The following ASXL2 variants were observed in gnomAD, a reference collection of about 807,000 sequenced individuals.
ASXL2 encodes putative Polycomb group protein ASXL2.
ASXL2 carries 23 observed loss-of-function variants against 122.0 expected under a neutral mutation model. The observed-to-expected ratio is 0.19, with a 90% confidence interval of 0.14 to 0.27. The LOEUF (loss-of-function observed/expected upper bound fraction) is 0.27. Among genes scored for constraint, ASXL2 ranks in the 10% least tolerant of loss-of-function variants. The probability of loss-of-function intolerance (pLI) is 1.00; values close to 1 mark genes in which losing one functional copy is unlikely to be tolerated. For missense variants in ASXL2, 1,518 were observed against 1,713.8 expected, an observed-to-expected ratio of 0.89 and a Z score of 2.02; for synonymous variants, 650 against 637.0, an observed-to-expected ratio of 1.02 and a Z score of -0.31.
Position 25,761,672 on chromosome 2 carries a change from C to CAA in ASXL2, c.776-2029_776-2028dup, listed in dbSNP as rs1184631489. Among the ~76,000 whole-genome samples the CAA allele has an allele frequency of 2.0e-3, 115 of 56,618 alleles. 1 individual carries two copies. The highest frequency in any genetic ancestry group is 4.5e-3 in the African/African-American group (71 of 15,760). The allele number at this position is 56,618 out of a possible 152,430, so 37.1% of individuals were successfully genotyped here. On this transcript the variant is annotated intron_variant, in intron 8 of 12. Transcript: ENST00000435504. ...TGGGCAACAGAGCCAGACTCCGTCT[C>CAA]AAAAAAAAAAAAAAAAAAAAGGAAT...
intron 3 of ASXL2, among the ~76,000 whole-genome samples, chr2:25,823,763 A>T (rs2149182861): frequency 6.6e-6 from 1 of 151,564 alleles, no homozygotes. Context: ...AGGGCTTAAA[A>T]CCTCAATTTA....
intron 1 of ASXL2, among the ~76,000 whole-genome samples, chr2:25,865,692 G>A (rs866912590): frequency 1.4e-5 from 2 of 141,238 alleles, no homozygotes; most frequent in African/African-American, 2.6e-5. Flanking sequence ...GGAGAATGGC[G>A]TGAACCCAGG....
chr2:25,875,450 C>G (rs1456145264), intron 1 of ASXL2, among the ~76,000 whole-genome samples: 1 of 152,024 alleles, frequency 6.6e-6, no homozygotes, highest in East Asian at 1.9e-4. Context: ...GCACTCCAGC[C>G]TGGAGAGCAT....
intron 8 of ASXL2, among the ~76,000 whole-genome samples, chr2:25,764,966 T>C (rs1204450540): frequency 6.6e-6 from 1 of 152,162 alleles, no homozygotes; most frequent in African/African-American, 2.4e-5. Context: ...AAAGATGACT[T>C]ACCCAAGTTT....
chr2:25,756,475 AG>A (rs2088138105), intron 9 of ASXL2, among the ~76,000 whole-genome samples: 9 of 146,376 alleles, frequency 6.1e-5, no homozygotes, highest in African/African-American at 1.3e-4. Flanking sequence ...GAAAAAAAAA[AG>A]AAAAAAAAAA....
In ASXL2 at chr2:25,739,273, T is replaced by C. The variant is rs1278255054; in HGVS notation, c.*2756A>G. On this transcript the variant is annotated 3_prime_UTR_variant, in exon 13 of 13. Transcript: ENST00000435504. ...TGAAAGGTAAAACAACTCAAAAAAC[T>C]AAGGTAAAGATTGCTTTAAAGGTGC... is the stretch of plus-strand genomic sequence containing the variant. The C allele has an allele frequency of 6.2e-6, 1 of 162,228 alleles. No individual in the cohort carries two copies. Among genetic ancestry groups the C allele is most frequent in the Non-Finnish European group, 1.4e-5 (1 of 73,918 alleles). The allele number at this position is 162,228 out of a possible 1,614,324, so 10.0% of individuals were successfully genotyped here.
At chr2:25,832,229 T>C (rs116190826) in intron 3 of ASXL2, among the ~76,000 whole-genome samples, 1,738 of 152,326 alleles carry the variant, frequency 0.011, 26 homozygotes, top group African/African-American at 0.039. Context: ...TACCATCTCA[T>C]ACTCAAGAAT....
At chr2:25,800,423 A>T (rs984604409) in intron 4 of ASXL2, among the ~76,000 whole-genome samples, 3 of 152,256 alleles carry the variant, frequency 2.0e-5, no homozygotes, top group African/African-American at 7.2e-5. Flanking sequence ...GCATTATTTG[A>T]ATCTAATTGG....
At chr2:25,851,429 A>G (rs1458850515) in intron 1 of ASXL2, among the ~76,000 whole-genome samples, 1 of 152,190 alleles carries the variant, frequency 6.6e-6, no homozygotes, top group Non-Finnish European at 1.5e-5. Flanking sequence ...TTTACATTAA[A>G]TATATTGAAA....
At chr2:25,846,307 G>C (rs1334207950) in intron 1 of ASXL2, among the ~76,000 whole-genome samples, 1 of 152,178 alleles carries the variant, frequency 6.6e-6, no homozygotes, top group Non-Finnish European at 1.5e-5. Flanking sequence ...AATACCAGCA[G>C]TGGCTAACCT....
intron 5 of ASXL2, among the ~76,000 whole-genome samples, chr2:25,784,444 T>A (rs1306744243): frequency 1.3e-5 from 2 of 152,212 alleles, no homozygotes; most frequent in Non-Finnish European, 2.9e-5. Flanking sequence ...ATACATTGTA[T>A]AATGAAGAAT....
rs2149136630 is a variant in ASXL2, at chr2:25,743,198, A to T, written c.3139T>A (p.Ser1047Thr). 1 of 1,613,910 alleles carries T rather than the reference A, an allele frequency of 6.2e-7. No homozygotes were observed. Among genetic ancestry groups the T allele is most frequent in the Non-Finnish European group, 8.5e-7 (1 of 1,179,850 alleles). ...TGGTATTGGTGTGTGTCAATGCTGG[A>T]GTCCCTCAGCTCCTTAGCTGAAAAG... is the stretch of plus-strand genomic sequence containing the variant. ...QLFSAKELRDSSIDTHQYHEG... is the reference protein window; with the variant it reads ...QLFSAKELRDTSIDTHQYHEG... Residue 1047 changes from serine to threonine, a missense_variant, in exon 13 of 13, where the codon TCC (serine) becomes ACC (threonine). By Grantham distance (58) the Ser-to-Thr change is moderately conservative. Around this residue, in one of 8 missense-constraint regions of ASXL2, gnomAD observed 831 missense variants for 833.1 expected, o/e 1.00. Coordinates refer to ENST00000435504, the MANE Select transcript of ASXL2 (RefSeq NM_018263.6).
chr2:25,777,757 CAGG>C (rs2088572279), intron 5 of ASXL2, among the ~76,000 whole-genome samples: 1 of 152,120 alleles, frequency 6.6e-6, no homozygotes, highest in African/African-American at 2.4e-5. Context: ...TTCATTTTAA[CAGG>C]AGTTCATTGA....
At chr2:25,834,246 G>C (rs1437985349) in intron 3 of ASXL2, among the ~76,000 whole-genome samples, 1 of 151,924 alleles carries the variant, frequency 6.6e-6, no homozygotes, top group East Asian at 1.9e-4. Flanking sequence ...CCAGCTACAA[G>C]GGAGGCTGAA....
rs545604516 is a variant in ASXL2, at chr2:25,835,292, T to G, written c.143+246A>C. On this transcript the variant is annotated intron_variant, in intron 3 of 12. Transcript: ENST00000435504. ...TTTATAAGTCAAATGTTGATTTTAA[T>G]AAACCTTAATGTAGATCGGATTTCT... Among the ~76,000 whole-genome samples the G allele has an allele frequency of 9.7e-4, 148 of 152,358 alleles. 1 individual carries two copies. Among genetic ancestry groups the G allele is most frequent in the Middle Eastern group, 3.4e-3 (1 of 294 alleles).
intron 1 of ASXL2, among the ~76,000 whole-genome samples, chr2:25,867,179 C>G (rs993880933): frequency 6.6e-6 from 1 of 152,070 alleles, no homozygotes; most frequent in African/African-American, 2.4e-5. Context: ...GGATTACAGG[C>G]GTGAGCCACC....
At chr2:25,873,107 CCA>C (rs1445776813) in intron 1 of ASXL2, among the ~76,000 whole-genome samples, 2 of 152,072 alleles carry the variant, frequency 1.3e-5, no homozygotes, top group African/African-American at 4.8e-5. Context: ...CTTTCCCCAC[CCA>C]GAGTCCCCAA....
At chr2:25,809,641 A>G (rs2089136721) in intron 3 of ASXL2, among the ~76,000 whole-genome samples, 3 of 152,236 alleles carry the variant, frequency 2.0e-5, no homozygotes, top group Admixed American at 2.0e-4. Flanking sequence ...CTATAAAACA[A>G]CAAAAAAGGT....
intron 3 of ASXL2, among the ~76,000 whole-genome samples, chr2:25,834,461 T>C (rs971975141): frequency 6.6e-6 from 1 of 152,196 alleles, no homozygotes; most frequent in African/African-American, 2.4e-5. Flanking sequence ...AATTTTAACT[T>C]TGTAAGACCT....
Sources: allele counts gnomAD v4.1 joint callset (sites outside exome capture counted in the v4.1 genomes callset), GRCh38; gene constraint gnomAD v4.1.1; regional missense constraint gnomAD v4.1.1; transcripts MANE v1.5; gene names NCBI Gene and HGNC (gene_info 2026-07-23, HGNC 2026-07-21).